Variants in OPCML observed in about 807,000 individuals in gnomAD.
The protein encoded by OPCML is opioid binding protein/cell adhesion molecule like, also known as opioid-binding protein/cell adhesion molecule.
Under a neutral mutation model 37.8 loss-of-function variants are expected in OPCML, and 13 were observed. The ratio of observed to expected loss-of-function variants is 0.34; its 90% CI spans 0.22 to 0.55. OPCML has a LOEUF of 0.55. Ranked by LOEUF, OPCML falls within the 20% of genes least tolerant of loss-of-function variation. The probability of loss-of-function intolerance (pLI) is 0.91; values close to 1 mark genes in which losing one functional copy is unlikely to be tolerated. For missense variants in OPCML, 341 were observed against 435.6 expected, an observed-to-expected ratio of 0.78 and a Z score of 1.93; for synonymous variants, 176 against 168.8, an observed-to-expected ratio of 1.04 and a Z score of -0.33.
intron 1 of OPCML, among the ~76,000 whole-genome samples, chr11:132,982,759 C>A (rs1277300669): frequency 2.0e-5 from 3 of 152,182 alleles, no homozygotes; most frequent in Admixed American, 6.5e-5. Flanking sequence ...CCTTGATCAT[C>A]TTATTAAACT....
chr11:132,548,495 C>T (rs574098985), intron 3 of OPCML, among the ~76,000 whole-genome samples: 4 of 152,148 alleles, frequency 2.6e-5, no homozygotes, highest in Non-Finnish European at 5.9e-5. Flanking sequence ...GCTCATTTCC[C>T]TCTCAATTAA....
At chr11:132,593,400 G>T (rs545954797) in intron 3 of OPCML, among the ~76,000 whole-genome samples, 16 of 152,256 alleles carry the variant, frequency 1.1e-4, no homozygotes, top group Non-Finnish European at 2.2e-4. Context: ...ATCCTCAGTC[G>T]GTTTCCTGTA....
At chr11:132,698,776 G>A (rs902555065) in intron 2 of OPCML, among the ~76,000 whole-genome samples, 3 of 151,924 alleles carry the variant, frequency 2.0e-5, no homozygotes, top group African/African-American at 7.3e-5. Context: ...TTATGTTTAA[G>A]TCTTTAATCA....
In OPCML at chr11:133,208,187, A is replaced by G. The variant is rs761586151; in HGVS notation, c.62-265177T>C. 6.6e-6 allele frequency among the ~76,000 whole-genome samples: 1 copy of G among 152,164 alleles called. No homozygotes were observed. Among genetic ancestry groups the G allele is most frequent in the Non-Finnish European group, 1.5e-5 (1 of 68,018 alleles). ...TTATGCTGGGGAAGGCAGACTGTCT[A>G]TCTTGCTCACCATTTATCTCAAGCA... On this transcript the variant is annotated intron_variant, in intron 1 of 7. Transcript: ENST00000524381. The surrounding 1 kb of genome is among the most constrained non-coding windows in gnomAD (Gnocchi z 8.9).
intron 3 of OPCML, among the ~76,000 whole-genome samples, chr11:132,651,118 C>A (rs1022406709): frequency 1.2e-4 from 18 of 152,134 alleles, no homozygotes; most frequent in Non-Finnish European, 2.5e-4. Context: ...ACCTCAGGGC[C>A]CACCCTTTTC....
intron 1 of OPCML, among the ~76,000 whole-genome samples, chr11:133,181,138 G>A (rs1034674635): frequency 4.6e-5 from 7 of 152,220 alleles, no homozygotes; most frequent in Non-Finnish European, 8.8e-5. Context: ...GTGGTTGCCA[G>A]CGTTTGGGGA....
chr11:133,164,341 T>C (rs1950182309), intron 1 of OPCML, among the ~76,000 whole-genome samples: 1 of 152,210 alleles, frequency 6.6e-6, no homozygotes, highest in Non-Finnish European at 1.5e-5. Flanking sequence ...TCAGTATGAG[T>C]ACTAACTTAG....
At chr11:132,886,888 G>A (rs763492844) in intron 2 of OPCML, among the ~76,000 whole-genome samples, 5 of 152,120 alleles carry the variant, frequency 3.3e-5, no homozygotes, top group African/African-American at 7.2e-5. Flanking sequence ...GAACGCCATC[G>A]TGCCCCGCTC....
chr11:132,687,172 A>G (rs1204503645), intron 2 of OPCML, among the ~76,000 whole-genome samples: 1 of 151,634 alleles, frequency 6.6e-6, no homozygotes, highest in African/African-American at 2.4e-5. Context: ...TCTCATATGT[A>G]TTACGGTTAG....
intron 1 of OPCML, among the ~76,000 whole-genome samples, chr11:133,475,007 A>G (rs1488646345): frequency 6.6e-6 from 1 of 152,160 alleles, no homozygotes; most frequent in African/African-American, 2.4e-5. Flanking sequence ...GGTTACCAAG[A>G]AAGTTTTTGG....
At chr11:133,198,247 G>C (rs993175720) in intron 1 of OPCML, among the ~76,000 whole-genome samples, 9 of 152,222 alleles carry the variant, frequency 5.9e-5, no homozygotes, top group Non-Finnish European at 4.4e-5. Flanking sequence ...GCAGTGGGGA[G>C]ATGTGTTTTC....
chr11:132,563,516 A>C (rs1242449486), intron 3 of OPCML, among the ~76,000 whole-genome samples: 2 of 151,832 alleles, frequency 1.3e-5, no homozygotes, highest in African/African-American at 2.4e-5. Flanking sequence ...AATGTTTTGC[A>C]ACTAGATAGA....
At chr11:132,798,829 C>T (rs1308554642) in intron 2 of OPCML, among the ~76,000 whole-genome samples, 1 of 152,200 alleles carries the variant, frequency 6.6e-6, no homozygotes, top group Non-Finnish European at 1.5e-5. Context: ...AACAATATTC[C>T]TCTCCTTGTA....
intron 2 of OPCML, among the ~76,000 whole-genome samples, chr11:132,924,602 G>C (rs1197816577): frequency 9.9e-5 from 15 of 152,174 alleles, no homozygotes; most frequent in Admixed American, 8.5e-4. Flanking sequence ...TTTCTAAAGA[G>C]AAATTCAATA....
rs145077229 is a variant in OPCML, at chr11:133,321,802, G to A, written c.61+210462C>T. ...TTATTAGAAACTCGAGTTTGATTCC[G>A]TGGGTTCCAGGTGGTGGCTGCCATG... On this transcript the variant is annotated intron_variant, in intron 1 of 7. Coordinates refer to ENST00000524381, the MANE Select transcript of OPCML (RefSeq NM_001012393.5). 6.7e-3 allele frequency among the ~76,000 whole-genome samples: 1,020 copies of A among 152,158 alleles called. 2 individuals are homozygous for A. The highest frequency in any genetic ancestry group is 0.014 in the Middle Eastern group (4 of 294).
At chr11:133,234,744 A>T (rs1592129953) in intron 1 of OPCML, among the ~76,000 whole-genome samples, 1 of 152,206 alleles carries the variant, frequency 6.6e-6, no homozygotes, top group East Asian at 1.9e-4. Context: ...CAGTGGTTTC[A>T]TTCTCCTAAC....
intron 7 of OPCML, among the ~76,000 whole-genome samples, chr11:132,425,144 T>C (rs1191915066): frequency 2.0e-5 from 3 of 152,244 alleles, no homozygotes; most frequent in Non-Finnish European, 4.4e-5. Flanking sequence ...ATCCCTGCCA[T>C]GCACTAGGCT....
intron 1 of OPCML, among the ~76,000 whole-genome samples, chr11:133,054,053 T>C (rs1422200522): frequency 6.6e-6 from 1 of 152,220 alleles, no homozygotes; most frequent in Admixed American, 6.5e-5. Flanking sequence ...TCTTTGATTC[T>C]TCTCTTTTCC....
At position 133,532,360 on chromosome 11, in the gene OPCML, T is replaced by C; in HGVS notation, c.-36A>G. On this transcript the variant is annotated 5_prime_UTR_variant, in exon 1 of 8. Coordinates refer to ENST00000524381, the MANE Select transcript of OPCML (RefSeq NM_001012393.5). ...CGGTGCTCTCAGCTGCCGGGCTTGC[T>C]ACTGCTTCTGCTGCTGCTACCGCTG... The C allele has an allele frequency of 1.2e-6, 2 of 1,607,396 alleles. No individual in the cohort carries two copies. Among genetic ancestry groups the C allele is most frequent in the South Asian group, 1.1e-5 (1 of 89,796 alleles).
Sources: gnomAD v4.1 joint callset for allele counts (sites outside exome capture counted in the v4.1 genomes callset) on GRCh38, gnomAD v4.1.1 for gene constraint, Gnocchi (gnomAD v3.1) non-coding constraint, MANE v1.5 for transcripts, NCBI Gene and HGNC (gene_info 2026-07-23, HGNC 2026-07-21) for gene names.